Variants in SLCO5A1 observed in about 807,000 individuals in gnomAD.
The protein encoded by SLCO5A1 is organic anion transporter polypeptide-related protein 4.
In SLCO5A1, 39 loss-of-function variants were observed where a neutral mutation model predicts 65.1. The observed-to-expected ratio is 0.60, with a 90% CI of 0.46 to 0.78. The LOEUF (loss-of-function observed/expected upper bound fraction) is 0.78, where lower values mean the gene tolerates loss of function less well. Among genes scored for constraint, SLCO5A1 ranks in the 30% least tolerant of loss-of-function variants. SLCO5A1 has a pLI of 0.00. For missense variants in SLCO5A1, 1,029 were observed against 1,069.4 expected (o/e 0.96, Z 0.53); for synonymous variants, 438 against 415.7 (o/e 1.05, Z -0.65).
chr8:69,824,143 T>G (rs928665423), intron 2 of SLCO5A1, among the ~76,000 whole-genome samples: 5 of 151,610 alleles, frequency 3.3e-5, no homozygotes, highest in Non-Finnish European at 7.4e-5. Flanking sequence ...AGAGGGAAAT[T>G]TATAGCACTA....
chr8:69,773,278 A>G (rs1392067170), intron 2 of SLCO5A1, among the ~76,000 whole-genome samples: 2 of 152,174 alleles, frequency 1.3e-5, no homozygotes, highest in Non-Finnish European at 2.9e-5. Flanking sequence ...GGCTCCCTCT[A>G]CCATGCAATA....
intron 1 of SLCO5A1, chr8:69,834,236 C>G (rs1331203446): frequency 6.5e-6 from 1 of 152,884 alleles, no homozygotes; most frequent in African/African-American, 2.4e-5. Flanking sequence ...CTTGGGGACC[C>G]CCACTCCACT....
chr8:69,750,866 C>G (rs1038658848), intron 4 of SLCO5A1, among the ~76,000 whole-genome samples: 1 of 152,170 alleles, frequency 6.6e-6, no homozygotes, highest in African/African-American at 2.4e-5. Flanking sequence ...ATGGCTCACT[C>G]AACTGTATAA....
intron 2 of SLCO5A1, among the ~76,000 whole-genome samples, chr8:69,784,676 T>C (rs1427423665): frequency 6.0e-5 from 9 of 151,240 alleles, no homozygotes; most frequent in Non-Finnish European, 1.2e-4. Context: ...TAATCCCCGC[T>C]ACCCAGGAGG....
At chr8:69,723,557 A>T (rs2130828793) in intron 5 of SLCO5A1, among the ~76,000 whole-genome samples, 1 of 152,062 alleles carries the variant, frequency 6.6e-6, no homozygotes, top group African/African-American at 2.4e-5. Context: ...ATCCCAAGTT[A>T]ACATCTTTCT....
intron 1 of SLCO5A1, chr8:69,834,303 A>T (rs1821319062): frequency 1.3e-5 from 2 of 152,578 alleles, no homozygotes; most frequent in African/African-American, 2.4e-5. Context: ...GAGACAGCCG[A>T]GCTTCACTAC....
At chr8:69,675,776 A>T (rs914237263) in intron 9 of SLCO5A1, among the ~76,000 whole-genome samples, 3 of 152,136 alleles carry the variant, frequency 2.0e-5, no homozygotes, top group Non-Finnish European at 4.4e-5. Context: ...TCAAAAAGCA[A>T]TTTTTTTGTC....
intron 6 of SLCO5A1, among the ~76,000 whole-genome samples, chr8:69,701,173 T>C (rs1325768154): frequency 6.6e-6 from 1 of 152,058 alleles, no homozygotes; most frequent in East Asian, 1.9e-4. Context: ...TCTCAGAGGG[T>C]GTGGGAAACT....
intron 4 of SLCO5A1, among the ~76,000 whole-genome samples, chr8:69,752,424 T>G (rs1357845715): frequency 1.3e-5 from 1 of 76,078 alleles, no homozygotes; most frequent in Non-Finnish European, 2.5e-5. Flanking sequence ...CAATAATAAA[T>G]CTCAGCTTTG....
At chr8:69,678,409 TACTG>T (rs1813633770) in intron 8 of SLCO5A1, among the ~76,000 whole-genome samples, 1 of 152,162 alleles carries the variant, frequency 6.6e-6, no homozygotes, top group East Asian at 1.9e-4. Context: ...TAAGTAAACT[TACTG>T]AGGCTCCAGA....
intron 6 of SLCO5A1, among the ~76,000 whole-genome samples, chr8:69,698,787 G>C (rs1295056049): frequency 1.1e-4 from 16 of 152,160 alleles, no homozygotes; most frequent in Admixed American, 9.8e-4. Context: ...TATGCTCACA[G>C]GCTCAGAAAT....
chr8:69,675,692 G>A (rs1302526516), intron 9 of SLCO5A1, among the ~76,000 whole-genome samples: 1 of 152,150 alleles, frequency 6.6e-6, no homozygotes, highest in Non-Finnish European at 1.5e-5. Context: ...AATGCCAGGG[G>A]ATTCATGCTT....
At chr8:69,812,993 GA>G (rs893300986) in intron 2 of SLCO5A1, among the ~76,000 whole-genome samples, 1 of 152,118 alleles carries the variant, frequency 6.6e-6, no homozygotes, top group African/African-American at 2.4e-5. Context: ...CTTTCCAGCT[GA>G]AATAAAACAC....
chr8:69,675,415 G>A (rs1813509148), intron 9 of SLCO5A1, among the ~76,000 whole-genome samples: 1 of 152,006 alleles, frequency 6.6e-6, no homozygotes, highest in Non-Finnish European at 1.5e-5. Flanking sequence ...GACCTCAGGT[G>A]ATCCACTCAC....
intron 2 of SLCO5A1, among the ~76,000 whole-genome samples, chr8:69,800,129 C>A (rs894945961): frequency 6.6e-6 from 1 of 151,656 alleles, no homozygotes; most frequent in Non-Finnish European, 1.5e-5. Flanking sequence ...TTCTGCTGAA[C>A]TTCTACTTGA....
chr8:69,787,749 A>G (rs1255892698), intron 2 of SLCO5A1, among the ~76,000 whole-genome samples: 1 of 152,232 alleles, frequency 6.6e-6, no homozygotes, highest in African/African-American at 2.4e-5. Context: ...CAGAATATAG[A>G]AGTCATAGCA....
chr8:69,792,968 T>G (rs1310066197), intron 2 of SLCO5A1, among the ~76,000 whole-genome samples: 2 of 152,012 alleles, frequency 1.3e-5, no homozygotes, highest in East Asian at 3.9e-4. Context: ...TGTTGTTGTT[T>G]GGTTTTTTTG....
intron 2 of SLCO5A1, among the ~76,000 whole-genome samples, chr8:69,775,071 A>G (rs1374706450): frequency 6.6e-6 from 1 of 152,154 alleles, no homozygotes; most frequent in Admixed American, 6.5e-5. Flanking sequence ...CTGACAGCAA[A>G]AGAACAGCTG....
intron 2 of SLCO5A1, among the ~76,000 whole-genome samples, chr8:69,766,501 GTGTGTGTT>G (rs910812952): frequency 6.6e-6 from 1 of 151,950 alleles, no homozygotes; most frequent in African/African-American, 2.4e-5. Flanking sequence ...GTGTGCACAT[GTGTGTGTT>G]TGTGTGTGTG....
Sources: gnomAD v4.1 joint callset for allele counts (sites outside exome capture counted in the v4.1 genomes callset) on GRCh38, gnomAD v4.1.1 for gene constraint, MANE v1.5 for transcripts, NCBI Gene and HGNC (gene_info 2026-07-23, HGNC 2026-07-21) for gene names.